The following TTN variants were observed in gnomAD, a reference collection of about 807,000 sequenced individuals.
TTN encodes titin.
In TTN, 1,525 loss-of-function variants were observed where a neutral mutation model predicts 3,223.0. That is an observed-to-expected ratio of 0.47 (90% CI 0.45 to 0.49). The LOEUF (loss-of-function observed/expected upper bound fraction) is 0.49. Ranked by LOEUF, TTN falls within the 20% of genes least tolerant of loss-of-function variation. TTN has a pLI of 0.00. For missense variants in TTN, 40,786 were observed against 43,424.0 expected (o/e 0.94, Z 5.40); for synonymous variants, 14,094 against 15,161.0 (o/e 0.93, Z 5.17).
chr2:178,694,538 C>T lies in TTN; in HGVS notation c.31426+61G>A, dbSNP rs1006891327. On this transcript the variant is annotated intron_variant, in intron 117 of 362. Coordinates refer to ENST00000589042, the MANE Select transcript of TTN (RefSeq NM_001267550.2). ...TGAGTTACTTAGCAATATATGTACACATGTCCATACACATAAATAAAAAAA... is the reference window on the plus strand; with the variant it reads ...TGAGTTACTTAGCAATATATGTACATATGTCCATACACATAAATAAAAAAA... The T allele has an allele frequency of 3.3e-6, 4 of 1,217,188 alleles. No homozygotes were observed. In the Admixed American group the frequency reaches 9.1e-5, roughly 28 times the overall value. The allele number at this position is 1,217,188 out of a possible 1,614,324, so 75.4% of individuals were successfully genotyped here.
rs1419052992 is a variant in TTN, at chr2:178,531,703, G to A, written c.104912C>T (p.Ala34971Val). 9 of 1,613,864 alleles carry A rather than the reference G, an allele frequency of 5.6e-6. No homozygotes were observed. In the African/African-American group the frequency reaches 8.0e-5, roughly 14 times the overall value. Residue 34971 changes from alanine to valine, a missense_variant, in exon 358 of 363, where the codon GCC becomes GTC. Ala to Val is a moderately conservative substitution (Grantham distance 64). Transcript: ENST00000589042. ...FILNVQSKPT[A>V]EVKWYHNGVE... ...ACCATTGTGGTACCATTTAACCTCG[G>A]CAGTTGGCTTAGACTGAACATTTAA... is the stretch of plus-strand genomic sequence containing the variant.
chr2:178,709,843 T>A lies in TTN; in HGVS notation c.28476A>T (p.Pro9492=). The change falls in exon 99 of 363, where the codon CCA becomes CCT. Residue 9492 remains proline (P), a synonymous_variant. Coordinates refer to ENST00000589042, the MANE Select transcript of TTN (RefSeq NM_001267550.2). ...AQLNIKERLI[P]PSFTKRLSET... ...CTGAGAGTCTTTTAGTGAAACTTGG[T>A]GGGATGAGCCGCTCTATAAGAAATT... The A allele has an allele frequency of 6.2e-7, 1 of 1,611,644 alleles. No individual in the cohort carries two copies. Among genetic ancestry groups the A allele is most frequent in the Non-Finnish European group, 8.5e-7 (1 of 1,178,636 alleles).
rs727504749 is a variant in TTN, at chr2:178,712,119, G to A, written c.27711C>T (p.Ser9237=). The change falls in exon 96 of 363, where the codon TCC becomes TCT. Residue 9237 remains serine (S), a synonymous_variant. Coordinates refer to ENST00000589042, the MANE Select transcript of TTN (RefSeq NM_001267550.2). ...QLAGTPEIGV[S]WYKGDTKLRP... Reference sequence around the variant, plus strand: ...TCAATTTTGTATCTCCTTTATACCAGGATACCCCAATTTCAGGGGTTCCAG... The same window carrying A: ...TCAATTTTGTATCTCCTTTATACCAAGATACCCCAATTTCAGGGGTTCCAG... 36 of 1,613,578 alleles carry A rather than the reference G, an allele frequency of 2.2e-5. No homozygotes were observed. Among genetic ancestry groups the A allele is most frequent in the Non-Finnish European group, 3.0e-5 (35 of 1,179,790 alleles).
Position 178,563,329 on chromosome 2 carries a change from A to G in TTN, c.82803T>C (p.Pro27601=). Residue 27601 remains proline (P), a synonymous_variant, in exon 326 of 363, where the codon CCT becomes CCC. Coordinates refer to ENST00000589042, the MANE Select transcript of TTN (RefSeq NM_001267550.2). The surrounding 1 kb of genome is among the most constrained non-coding windows in gnomAD (Gnocchi z 4.5). ...WSKPIYDGGA[P]VKGYVVEVKE... is the part of the protein sequence containing the mutation. ...TGACCTCTACAACATAGCCTTTAAC[A>G]GGTGCGCCACCATCATAAATTGGCT... 6.2e-7 allele frequency: 1 copy of G among 1,613,638 alleles called. No individual in the cohort carries two copies. The highest frequency in any genetic ancestry group is 1.1e-5 in the South Asian group (1 of 91,080).
At chr2:178,783,461 C>G (rs1296477168) in intron 17 of TTN, among the ~76,000 whole-genome samples, 1 of 152,090 alleles carries the variant, frequency 6.6e-6, no homozygotes, top group Admixed American at 6.6e-5. Context: ...TGCACAGCTC[C>G]TGCAATAATG....
chr2:178,731,008 T>A lies in TTN; in HGVS notation c.17657A>T (p.Glu5886Val). The A allele has an allele frequency of 6.2e-7, 1 of 1,613,630 alleles. No individual in the cohort carries two copies. The highest frequency in any genetic ancestry group is 8.5e-7 in the Non-Finnish European group (1 of 1,179,692). The change falls in exon 60 of 363, where the codon GAA becomes GTA. Residue 5886 changes from glutamate to valine, a missense_variant. Physicochemically the swap from Glu to Val is moderately radical, Grantham distance 121 (BLOSUM62 -2). Transcript: ENST00000589042. ...TVSILKIIST[E>V]KKDSGEYTFE... ...AGTATATTCTCCACTATCTTTCTTT[T>A]CTGTAGAAATAATCTTCAGTATTGA...
chr2:178,776,492 G>A lies in TTN; in HGVS notation c.5372C>T (p.Thr1791Ile), dbSNP rs1393058360. 1 of 1,607,930 alleles carries A rather than the reference G, an allele frequency of 6.2e-7. No individual in the cohort carries two copies. Among genetic ancestry groups the A allele is most frequent in the Non-Finnish European group, 8.5e-7 (1 of 1,179,976 alleles). Residue 1791 changes from threonine to isoleucine, a missense_variant, in exon 28 of 363, where the codon ACC (threonine) becomes ATC (isoleucine). Physicochemically the swap from Thr to Ile is moderately conservative, Grantham distance 89. Transcript: ENST00000589042. ...NKYGTDHTSA[T>I]LIVKDEKSLV... is the part of the protein sequence containing the mutation. Reference sequence around the variant, plus strand: ...ACTTTTCTCATCTTTAACAATAAGGGTAGCAGATGTGTGATCTGTTCCATA... The same window carrying A: ...ACTTTTCTCATCTTTAACAATAAGGATAGCAGATGTGTGATCTGTTCCATA...
chr2:178,720,804 T>C (rs2078239575), intron 79 of TTN, 117 bp downstream of exon 79: 2 of 1,391,422 alleles, frequency 1.4e-6, no homozygotes, highest in Non-Finnish European at 1.9e-6. Context: ...TCATTAAAAC[T>C]TGTTGAAGAA....
intron 47 of TTN, chr2:178,745,494 G>A: frequency 6.4e-7 from 1 of 1,557,248 alleles, no homozygotes; most frequent in South Asian, 1.2e-5. Flanking sequence ...TGGTGGACCT[G>A]TTTGGAAGTT....
chr2:178,746,249 A>G (rs142883975), intron 47 of TTN: 6 of 1,612,456 alleles, frequency 3.7e-6, no homozygotes, highest in Non-Finnish European at 5.1e-6. Flanking sequence ...ACAAATAGGC[A>G]TTATAAAGCG....
At chr2:178,555,882 T>C (rs1379233887) in intron 330 of TTN, 1 of 152,214 alleles carries the variant, frequency 6.6e-6, no homozygotes, top group Non-Finnish European at 1.5e-5. Context: ...TTTCAAAACA[T>C]TGTTGAGTTG....
In TTN at chr2:178,572,247, T is replaced by C. The variant is rs1708480217; in HGVS notation, c.73885A>G (p.Thr24629Ala). 8 of 1,613,262 alleles carry C rather than the reference T, an allele frequency of 5.0e-6. No individual in the cohort carries two copies. In the South Asian group the frequency reaches 8.8e-5, roughly 18 times the overall value. Residue 24629 changes from threonine (T) to alanine (A), a missense_variant, in exon 326 of 363, where the codon ACA becomes GCA. Coordinates refer to ENST00000589042, the MANE Select transcript of TTN (RefSeq NM_001267550.2). ...CAAGAGAGTGACACACTATTTCTTGTGACATCCATCAAAGTTATTTTTCCT... is the reference window on the plus strand; with the variant it reads ...CAAGAGAGTGACACACTATTTCTTGCGACATCCATCAAAGTTATTTTTCCT... ...PPGKITLMDVTRNSVSLSWEK... is the reference protein window; with the variant it reads ...PPGKITLMDVARNSVSLSWEK...
At position 178,651,227 on chromosome 2, in the gene TTN, C is replaced by G; in HGVS notation, c.39625+16G>C. 1 of 1,606,970 alleles carries G rather than the reference C, an allele frequency of 6.2e-7. No homozygotes were observed. The highest frequency in any genetic ancestry group is 8.5e-7 in the Non-Finnish European group (1 of 1,175,150). On this transcript the variant is annotated intron_variant, in intron 208 of 362. Transcript: ENST00000589042. Reference sequence around the variant, plus strand: ...GGGTGAGTGCTTTTCTGCAGAATCTCATTAGTGACATGTACCTTTTGCTGG... The same window carrying G: ...GGGTGAGTGCTTTTCTGCAGAATCTGATTAGTGACATGTACCTTTTGCTGG...
At position 178,620,445 on chromosome 2, in the gene TTN, G is replaced by T. The variant is rs780024396; in HGVS notation, c.46076C>A (p.Thr15359Asn). Residue 15359 changes from threonine (T) to asparagine (N), a missense_variant, in exon 248 of 363, where the codon ACC (threonine) becomes AAC (asparagine). Thr to Asn is a moderately conservative substitution (Grantham distance 65). Coordinates refer to ENST00000589042, the MANE Select transcript of TTN (RefSeq NM_001267550.2). ...YRVDKYKHML[T>N]IKDCGFPDEG... ...ATCTGGGAAGCCACAGTCTTTAATG[G>T]TTAACATGTGCTTGTACTTATCAAC... is the stretch of plus-strand genomic sequence containing the variant. 1.2e-6 allele frequency: 2 copies of T among 1,612,284 alleles called. No homozygotes were observed. Among genetic ancestry groups the T allele is most frequent in the Non-Finnish European group, 1.7e-6 (2 of 1,178,934 alleles).
In TTN at chr2:178,688,167, A is replaced by C; in HGVS notation, c.32255T>G (p.Val10752Gly). 1.9e-6 allele frequency: 3 copies of C among 1,612,966 alleles called. No individual in the cohort carries two copies. Among genetic ancestry groups the C allele is most frequent in the Non-Finnish European group, 2.5e-6 (3 of 1,179,722 alleles). ...SEEEEGVSIS[V>G]YREEEREEEE... The stretch of plus-strand genomic sequence containing the variant: ...CTCCTCTCTTTCTTCTTCTCTATAA[A>C]CTGAAATGGACACACCTTCCTCCTC... Residue 10752 changes from valine (V) to glycine (G), a missense_variant, in exon 127 of 363, where the codon GTT becomes GGT. Physicochemically the swap from Val to Gly is moderately radical, Grantham distance 109. Coordinates refer to ENST00000589042, the MANE Select transcript of TTN (RefSeq NM_001267550.2).
In TTN at chr2:178,531,329, A is replaced by T. The variant is rs1367870650; in HGVS notation, c.105286T>A (p.Tyr35096Asn). 2 of 1,613,898 alleles carry T rather than the reference A, an allele frequency of 1.2e-6. No individual in the cohort carries two copies. Among genetic ancestry groups the T allele is most frequent in the East Asian group, 4.5e-5 (2 of 44,900 alleles). ...ATTTCTGCAGATGCAGAGTGTTCAT[A>T]TGAGGAGAGACTTTCCCTTGTCTCC... ...MTETRESLSS[Y>N]EHSASAEMKS... Residue 35096 changes from tyrosine (Y) to asparagine (N), a missense_variant, in exon 358 of 363, where the codon TAT becomes AAT. Tyr to Asn is a moderately radical substitution (Grantham distance 143). Coordinates refer to ENST00000589042, the MANE Select transcript of TTN (RefSeq NM_001267550.2).
chr2:178,757,227 A>ATACTGTACTTACTTTAAGTACAGTAAG (rs1553968975), intron 45 of TTN, among the ~76,000 whole-genome samples: 319 of 150,242 alleles, frequency 2.1e-3, no homozygotes, highest in Admixed American at 4.9e-3. Context: ...ACAGTAAGTA[A>ATACTGTACTTACTTTAAGTACAGTAAG]TAATCAGCAA....
chr2:178,537,750 C>T lies in TTN; in HGVS notation c.99457G>A (p.Gly33153Arg). ...ATTACTGTAAGAGTGTGTGTGCGTC[C>T]ATCTGAAGACATTTTGTATTTCCGG... ...QSRKYKMSSD[G>R]RTHTLTVMTE... Residue 33153 changes from glycine (G) to arginine (R), a missense_variant, in exon 355 of 363, where the codon GGA becomes AGA. Gly to Arg is a moderately radical substitution (Grantham distance 125, BLOSUM62 -2). Coordinates refer to ENST00000589042, the MANE Select transcript of TTN (RefSeq NM_001267550.2). 8 of 1,613,692 alleles carry T rather than the reference C, an allele frequency of 5.0e-6. No homozygotes were observed. The highest frequency in any genetic ancestry group is 6.8e-6 in the Non-Finnish European group (8 of 1,179,772).
rs1236505151 is a variant in TTN, at chr2:178,577,187, T to A, written c.69148A>T (p.Ser23050Cys). 1.3e-5 allele frequency: 21 copies of A among 1,612,932 alleles called. No homozygotes were observed. The Admixed American group carries it at 3.5e-4, about 27-fold the overall frequency. ...VPGPPGPVEI[S>C]NVSAEKATLT... is the part of the protein sequence containing the mutation. Reference sequence around the variant, plus strand: ...GTTGCTTTTTCAGCAGAAACATTACTGATTTCAACAGGACCTGGGGGACCA... The same window carrying A: ...GTTGCTTTTTCAGCAGAAACATTACAGATTTCAACAGGACCTGGGGGACCA... Residue 23050 changes from serine to cysteine, a missense_variant, in exon 324 of 363, where the codon AGT (serine) becomes TGT (cysteine). Transcript: ENST00000589042.
Sources: gnomAD v4.1 joint callset for allele counts (sites outside exome capture counted in the v4.1 genomes callset) on GRCh38, gnomAD v4.1.1 for gene constraint, Gnocchi (gnomAD v3.1) non-coding constraint, MANE v1.5 for transcripts, NCBI Gene and HGNC (gene_info 2026-07-23, HGNC 2026-07-21) for gene names.